PDE4A: variants seen among roughly 807,000 people sequenced by gnomAD.
PDE4A encodes the protein 3',5'-cyclic-AMP phosphodiesterase 4A.
In PDE4A, 21 loss-of-function variants were observed where a neutral mutation model predicts 73.9. That is an observed-to-expected ratio of 0.28 (90% CI 0.20 to 0.41). The LOEUF (loss-of-function observed/expected upper bound fraction) is 0.41, where lower values mean the gene tolerates loss of function less well. Among genes scored for constraint, PDE4A ranks in the 10% least tolerant of loss-of-function variants. The pLI, the probability that PDE4A is intolerant of heterozygous loss-of-function variation, is 1.00. For synonymous variants in PDE4A, 463 were observed against 505.4 expected (o/e 0.92, Z 1.13); for missense variants, 958 against 1,211.4 (o/e 0.79, Z 3.10).
intron 1 of PDE4A, among the ~76,000 whole-genome samples, chr19:10,429,275 GAAGGAAGA>G (rs1032891823): frequency 4.5e-5 from 5 of 110,570 alleles, no homozygotes; most frequent in African/African-American, 1.9e-4. Flanking sequence ...AAGAAGGAAG[GAAGGAAGA>G]AAGAAAGAAA....
chr19:10,432,292 G>A (rs2042803689), intron 1 of PDE4A: 1 of 1,158,814 alleles, frequency 8.6e-7, no homozygotes, highest in African/African-American at 1.6e-5. Context: ...CGACCGCCCG[G>A]GGCTGTCCCT....
chr19:10,466,932 G>T lies in PDE4A; in HGVS notation c.1972G>T (p.Ala658Ser), dbSNP rs200617126. 1.3e-5 allele frequency: 21 copies of T among 1,614,018 alleles called. No homozygotes were observed. The highest frequency in any genetic ancestry group is 1.8e-5 in the Non-Finnish European group (21 of 1,180,038). Residue 658 changes from alanine to serine, a missense_variant, in exon 15 of 15, where the codon GCG becomes TCG. Around this residue, in one of 3 missense-constraint regions of PDE4A, gnomAD observed 570 missense variants for 827.7 expected, o/e 0.69. Coordinates refer to ENST00000380702, the MANE Select transcript of PDE4A (RefSeq NM_001111307.2). ...TGTGCACCCATTGTGGGAGACCTGGGCGGACCTTGTCCACCCAGATGCCCA... is the reference window on the plus strand; with the variant it reads ...TGTGCACCCATTGTGGGAGACCTGGTCGGACCTTGTCCACCCAGATGCCCA... The part of the protein sequence containing the change: ...YIVHPLWETW[A>S]DLVHPDAQEI...
At chr19:10,433,879 T>C (rs2042827770) in intron 1 of PDE4A, among the ~76,000 whole-genome samples, 2 of 152,226 alleles carry the variant, frequency 1.3e-5, no homozygotes, top group Non-Finnish European at 1.5e-5. Context: ...CTGCCTGCCC[T>C]GTGCGCCCCG....
chr19:10,456,656 G>A (rs2043175092), intron 7 of PDE4A, among the ~76,000 whole-genome samples: 1 of 150,648 alleles, frequency 6.6e-6, no homozygotes, highest in East Asian at 2.0e-4. Flanking sequence ...GTTCGAGGCT[G>A]CAGTGAGACA....
chr19:10,418,265 T>A (rs1178200457), upstream of PDE4A, among the ~76,000 whole-genome samples: 1 of 152,158 alleles, frequency 6.6e-6, no homozygotes, highest in Non-Finnish European at 1.5e-5. Context: ...TGGACTAGTA[T>A]TTTTCTTTCT....
At chr19:10,430,289 C>G (rs550779581) in intron 1 of PDE4A, among the ~76,000 whole-genome samples, 1 of 150,340 alleles carries the variant, frequency 6.7e-6, no homozygotes, top group South Asian at 2.1e-4. Flanking sequence ...GGGCTTGTGG[C>G]ATGTCCCAGA....
At position 10,461,103 on chromosome 19, in the gene PDE4A, A is replaced by T; in HGVS notation, c.1465A>T (p.Asn489Tyr). 6.2e-7 allele frequency: 1 copy of T among 1,609,386 alleles called. No homozygotes were observed. The highest frequency in any genetic ancestry group is 8.5e-7 in the Non-Finnish European group (1 of 1,176,520). ...CTCCAACCAGTTCCTCATCAACACC[A>T]GTGAGTGGCCCTCGCCAGGGGCGGG... ...GVSNQFLINT[N>Y]SELALMYNDE... is the part of the protein sequence containing the mutation. The change falls in exon 11 of 15, where the codon AAT becomes TAT. Residue 489 changes from asparagine (N) to tyrosine (Y), a missense_variant and splice_region_variant. Transcript: ENST00000380702.
At chr19:10,443,491 G>A (rs2042964674) in intron 1 of PDE4A, among the ~76,000 whole-genome samples, 1 of 150,732 alleles carries the variant, frequency 6.6e-6, no homozygotes, top group South Asian at 2.1e-4. Context: ...GTTGCATTGA[G>A]CTGAGATTGT....
chr19:10,418,862 C>T, upstream of PDE4A: 2 of 984,438 alleles, frequency 2.0e-6, no homozygotes, highest in Non-Finnish European at 2.4e-6. Flanking sequence ...CTCACAGCCC[C>T]TGCAAATTCC....
In PDE4A at chr19:10,422,684, C is replaced by T. The variant is rs867430921; in HGVS notation, c.320+1600C>T. On this transcript the variant is annotated intron_variant, in intron 1 of 14. Coordinates refer to ENST00000380702, the MANE Select transcript of PDE4A (RefSeq NM_001111307.2). ...AGGCCACCCCCACCTCTGTTCTGAT[C>T]ACCCCCCAGCCCCAGTCCCCCTGCA... is the stretch of plus-strand genomic sequence containing the variant. 3.9e-5 allele frequency among the ~76,000 whole-genome samples: 6 copies of T among 152,246 alleles called. No individual in the cohort carries two copies. In the South Asian group the frequency reaches 1.2e-3, roughly 32 times the overall value.
chr19:10,456,896 A>G (rs372450495), intron 7 of PDE4A, among the ~76,000 whole-genome samples: 95 of 152,164 alleles, frequency 6.2e-4, no homozygotes, highest in African/African-American at 2.2e-3. Context: ...CCGCCCAGAC[A>G]AGCTCAAGAA....
In PDE4A at chr19:10,467,227, C is replaced by G. The variant is rs145597767; in HGVS notation, c.2267C>G (p.Pro756Arg). The stretch of plus-strand genomic sequence containing the variant: ...GCAACCATAGCCTGGGAGGCATCCC[C>G]GGCCCAGGAGTCGTTGGAAGTTATG... ...LDATIAWEASPAQESLEVMAQ... is the reference protein window; with the variant it reads ...LDATIAWEASRAQESLEVMAQ... The change falls in exon 15 of 15, where the codon CCG (proline) becomes CGG (arginine). Residue 756 changes from proline (P) to arginine (R), a missense_variant. Physicochemically the swap from Pro to Arg is moderately radical, Grantham distance 103 (BLOSUM62 -2). This residue lies in a region of PDE4A where 243 missense variants were observed against 245.9 expected (regional missense o/e 0.99). Coordinates refer to ENST00000380702, the MANE Select transcript of PDE4A (RefSeq NM_001111307.2). 1.2e-6 allele frequency: 2 copies of G among 1,614,038 alleles called. No homozygotes were observed. Among genetic ancestry groups the G allele is most frequent in the Non-Finnish European group, 1.7e-6 (2 of 1,180,034 alleles).
upstream of PDE4A, chr19:10,417,574 G>A: frequency 6.7e-7 from 1 of 1,482,044 alleles, no homozygotes; most frequent in Non-Finnish European, 9.0e-7. Flanking sequence ...TACTCCCTTA[G>A]ACAGCTAGGT....
intron 1 of PDE4A, among the ~76,000 whole-genome samples, chr19:10,443,703 A>T (rs567360179): frequency 1.2e-3 from 181 of 151,660 alleles, no homozygotes; most frequent in Non-Finnish European, 2.2e-3. Context: ...ATAGAGCGAG[A>T]TTTCATCTCA....
At chr19:10,421,327 C>CGA (rs975434936) in intron 1 of PDE4A, 1 of 985,168 alleles carries the variant, frequency 1.0e-6, no homozygotes, top group Admixed American at 6.2e-5. Context: ...GTGGTGTTAA[C>CGA]GAGGTCTGGG....
chr19:10,466,919 G>A lies in PDE4A; in HGVS notation c.1959G>A (p.Leu653=), dbSNP rs750830514. 1 of 1,614,104 alleles carries A rather than the reference G, an allele frequency of 6.2e-7. No individual in the cohort carries two copies. The highest frequency in any genetic ancestry group is 8.5e-7 in the Non-Finnish European group (1 of 1,180,020). Residue 653 remains leucine, a synonymous_variant, in exon 15 of 15, where the codon TTG becomes TTA. Transcript: ENST00000380702. ...VGFIDYIVHP[L]WETWADLVHP... is the part of the protein sequence containing the mutation. ...TTATTGACTACATTGTGCACCCATT[G>A]TGGGAGACCTGGGCGGACCTTGTCC...
intron 4 of PDE4A, among the ~76,000 whole-genome samples, chr19:10,450,109 A>G (rs1425486841): frequency 6.6e-6 from 1 of 152,106 alleles, no homozygotes; most frequent in Non-Finnish European, 1.5e-5. Flanking sequence ...AAATAAATAG[A>G]TAAATAAAGT....
intron 1 of PDE4A, among the ~76,000 whole-genome samples, chr19:10,422,106 T>A (rs542109480): frequency 3.9e-5 from 6 of 152,176 alleles, no homozygotes; most frequent in African/African-American, 1.4e-4. Context: ...GATGCAGTGA[T>A]TGGGATAGAG....
Position 10,420,968 on chromosome 19 carries a change from C to T in PDE4A, c.204C>T (p.Ala68=), listed in dbSNP as rs1356403479. ...ERQPHRPIER[A]DAMDTSDRPG... ...AGCCGCACCGGCCCATAGAGCGCGC[C>T]GATGCCATGGACACCAGCGACCGGC... Residue 68 remains alanine, a synonymous_variant, in exon 1 of 15, where the codon GCC becomes GCT. Transcript: ENST00000380702. The surrounding 1 kb of genome is among the most constrained non-coding windows in gnomAD (Gnocchi z 6.0). 2.6e-6 allele frequency: 4 copies of T among 1,554,268 alleles called. No homozygotes were observed. The Admixed American group carries it at 7.4e-5, about 29-fold the overall frequency.
Sources: allele counts gnomAD v4.1 joint callset (sites outside exome capture counted in the v4.1 genomes callset), GRCh38; gene constraint gnomAD v4.1.1; regional missense constraint gnomAD v4.1.1; non-coding constraint Gnocchi (gnomAD v3.1); transcripts MANE v1.5; gene names NCBI Gene and HGNC (gene_info 2026-07-23, HGNC 2026-07-21).